HNRNPLL: variants seen among roughly 807,000 people sequenced by gnomAD.
HNRNPLL encodes heterogeneous nuclear ribonucleoprotein L-like.
In HNRNPLL, 25 loss-of-function variants were observed where a neutral mutation model predicts 67.1. The observed-to-expected ratio is 0.37, with a 90% CI of 0.27 to 0.52. The LOEUF is 0.52. HNRNPLL is among the 20% of genes least tolerant of loss of function. The probability of loss-of-function intolerance (pLI) is 0.90; values close to 1 mark genes in which losing one functional copy is unlikely to be tolerated. For missense variants in HNRNPLL, 542 were observed against 673.9 expected, an observed-to-expected ratio of 0.80 and a Z score of 2.17; for synonymous variants, 267 against 241.7, an observed-to-expected ratio of 1.10 and a Z score of -0.97.
chr2:38,580,315 T>C (rs77485446), intron 6 of HNRNPLL, among the ~76,000 whole-genome samples: 1 of 152,174 alleles, frequency 6.6e-6, no homozygotes, highest in East Asian at 1.9e-4. Context: ...TTTCCATAAG[T>C]AGTGAAAAAC....
At chr2:38,585,191 T>G (rs530102098) in intron 3 of HNRNPLL, among the ~76,000 whole-genome samples, 3 of 152,210 alleles carry the variant, frequency 2.0e-5, no homozygotes, top group African/African-American at 7.2e-5. Flanking sequence ...TTCAAAAGAG[T>G]AAAGAAGCAG....
At chr2:38,600,147 A>G in intron 1 of HNRNPLL, 1 of 220,496 alleles carries the variant, frequency 4.5e-6, no homozygotes, top group South Asian at 5.2e-5. Context: ...AAAACAAGAT[A>G]AACAAGGCTT....
intron 2 of HNRNPLL, among the ~76,000 whole-genome samples, chr2:38,590,257 T>C (rs1469721682): frequency 6.6e-6 from 1 of 152,200 alleles, no homozygotes; most frequent in Non-Finnish European, 1.5e-5. Context: ...TTTGAAGAAA[T>C]AACCCATTTC....
intron 1 of HNRNPLL, among the ~76,000 whole-genome samples, chr2:38,597,208 C>T (rs1322579806): frequency 6.6e-6 from 1 of 152,204 alleles, no homozygotes; most frequent in African/African-American, 2.4e-5. Flanking sequence ...ACATTTCCCT[C>T]TCTTACATAA....
chr2:38,598,348 A>G (rs889462182), intron 1 of HNRNPLL, among the ~76,000 whole-genome samples: 1 of 152,222 alleles, frequency 6.6e-6, no homozygotes, highest in African/African-American at 2.4e-5. Flanking sequence ...AAACATGGAA[A>G]GAGAATCAAG....
At chr2:38,579,770 T>C (rs990793325) in intron 6 of HNRNPLL, among the ~76,000 whole-genome samples, 5 of 152,042 alleles carry the variant, frequency 3.3e-5, no homozygotes, top group Admixed American at 3.3e-4. Context: ...AAAAATGTTA[T>C]GAAGGTCTTT....
At chr2:38,590,992 G>A (rs77462189) in intron 2 of HNRNPLL, among the ~76,000 whole-genome samples, 4 of 152,296 alleles carry the variant, frequency 2.6e-5, no homozygotes, top group African/African-American at 7.2e-5. Flanking sequence ...GCAACAGAGA[G>A]AGACCCTGTC....
intron 2 of HNRNPLL, among the ~76,000 whole-genome samples, chr2:38,588,506 G>A (rs1232814346): frequency 2.3e-5 from 3 of 128,796 alleles, no homozygotes; most frequent in African/African-American, 9.5e-5. Flanking sequence ...CCAAGATCGC[G>A]CCACTGCACC....
At position 38,575,664 on chromosome 2, in the gene HNRNPLL, CTCTT is replaced by C. The variant is rs59812397; in HGVS notation, c.874+1793_874+1796del. Among the ~76,000 whole-genome samples, 1,014 of 151,882 alleles carry C rather than the reference CTCTT, an allele frequency of 6.7e-3. 13 individuals are homozygous for C. Among genetic ancestry groups the C allele is most frequent in the African/African-American group, 0.023 (966 of 41,510 alleles). ...TCTATGGGTCCTGAACCATAATTAA[CTCTT>C]TCTATTCCCTTTCTTATAGTCGTCA... On this transcript the variant is annotated intron_variant, in intron 7 of 12. Transcript: ENST00000449105.
intron 1 of HNRNPLL, 160 bp downstream of exon 1, chr2:38,602,278 A>T: frequency 1.5e-6 from 1 of 645,472 alleles, no homozygotes; most frequent in South Asian, 2.1e-5. Context: ...GGAAACAGGT[A>T]GAGGCCAGAA....
Position 38,586,051 on chromosome 2 carries a change from TTTCTCTGTCG to T in HNRNPLL, c.309-180_309-171del, listed in dbSNP as rs553878834. On this transcript the variant is annotated intron_variant, in intron 2 of 12. Transcript: ENST00000449105. Reference sequence around the variant, plus strand: ...TTTTTTTTTTTTTTGAGACGGAGTCTTTCTCTGTCGCCCAGGCTGGAGTGCAGTGGCGCAA... The same window carrying T: ...TTTTTTTTTTTTTTGAGACGGAGTCTCCCAGGCTGGAGTGCAGTGGCGCAA... 9.4e-3 allele frequency among the ~76,000 whole-genome samples: 1,428 copies of T among 152,054 alleles called. 62 individuals are homozygous for T. The highest frequency in any genetic ancestry group is 0.077 in the Admixed American group (1,171 of 15,256).
At position 38,602,879 on chromosome 2, in the gene HNRNPLL, CT is replaced by C; in HGVS notation, c.-254del. 1 of 1,532,530 alleles carries C rather than the reference CT, an allele frequency of 6.5e-7. No homozygotes were observed. Among genetic ancestry groups the C allele is most frequent in the African/African-American group, 1.4e-5 (1 of 72,244 alleles). The allele number at this position is 1,532,530 out of a possible 1,614,324, so 94.9% of individuals were successfully genotyped here. On this transcript the variant is annotated 5_prime_UTR_variant, in exon 1 of 13. Coordinates refer to ENST00000449105, the MANE Select transcript of HNRNPLL (RefSeq NM_138394.4). Reference sequence around the variant, plus strand: ...TACCGAGCCAACATTCAGCCTCTCCCTCCTCCTCCTCCGTCTCCGCTCCCTG... The same window carrying C: ...TACCGAGCCAACATTCAGCCTCTCCCCCTCCTCCTCCGTCTCCGCTCCCTG...
At chr2:38,565,899 A>G (rs1341837243) in intron 12 of HNRNPLL, 2 of 431,882 alleles carry the variant, frequency 4.6e-6, no homozygotes, top group Non-Finnish European at 6.2e-6. Context: ...TACCCTTCAC[A>G]CACAGTTTTG....
chr2:38,581,125 A>T (rs1666514553), intron 6 of HNRNPLL: 1 of 152,242 alleles, frequency 6.6e-6, no homozygotes, highest in African/African-American at 2.4e-5. Context: ...GTTGAGCATT[A>T]TCAATTCCCA....
At position 38,576,531 on chromosome 2, in the gene HNRNPLL, C is replaced by A. The variant is rs186047118; in HGVS notation, c.874+930G>T. Among the ~76,000 whole-genome samples the A allele has an allele frequency of 3.1e-3, 476 of 151,546 alleles. 5 individuals carry two copies. The highest frequency in any genetic ancestry group is 6.8e-3 in the Middle Eastern group (2 of 294). On this transcript the variant is annotated intron_variant, in intron 7 of 12. Coordinates refer to ENST00000449105, the MANE Select transcript of HNRNPLL (RefSeq NM_138394.4). ...CTTTTCTGCCATATAGACTATGGAA[C>A]CTTGAAGACACACACACACACATAC... is the stretch of plus-strand genomic sequence containing the variant.
chr2:38,576,075 G>C (rs1666290411), intron 7 of HNRNPLL, among the ~76,000 whole-genome samples: 1 of 151,622 alleles, frequency 6.6e-6, no homozygotes, highest in Non-Finnish European at 1.5e-5. Flanking sequence ...GTATATAACA[G>C]CTTTTGTTTA....
chr2:38,585,910 C>CA, intron 2 of HNRNPLL, 29 bp from the exon 3 acceptor site: 2 of 1,264,240 alleles, frequency 1.6e-6, no homozygotes, highest in Non-Finnish European at 2.3e-6. Flanking sequence ...AGGAAACACA[C>CA]AAACACAGCA....
Position 38,573,431 on chromosome 2 carries a change from TA to T in HNRNPLL, c.875-5del. Reference sequence around the variant, plus strand: ...GGCAATAATGGACCATGGGATCCTATAAAAATGATCAAAATAAATAAATTAG... The same window carrying T: ...GGCAATAATGGACCATGGGATCCTATAAAATGATCAAAATAAATAAATTAG... On this transcript the variant is annotated splice_region_variant and splice_polypyrimidine_tract_variant and intron_variant, in intron 7 of 12. Coordinates refer to ENST00000449105, the MANE Select transcript of HNRNPLL (RefSeq NM_138394.4). 6.3e-7 allele frequency: 1 copy of T among 1,581,166 alleles called. No homozygotes were observed. The highest frequency in any genetic ancestry group is 8.6e-7 in the Non-Finnish European group (1 of 1,156,442).
In HNRNPLL at chr2:38,583,485, A is replaced by T. The variant is rs191736825; in HGVS notation, c.632+356T>A. Among the ~76,000 whole-genome samples, 45 of 152,320 alleles carry T rather than the reference A, an allele frequency of 3.0e-4. No individual in the cohort carries two copies. The East Asian group carries it at 8.3e-3, about 28-fold the overall frequency. ...AAACCATTACCATTTTAAAGGTTCA[A>T]TAAAAAAAGGTAAGATTTTACTGAC... On this transcript the variant is annotated intron_variant, in intron 4 of 12. Coordinates refer to ENST00000449105, the MANE Select transcript of HNRNPLL (RefSeq NM_138394.4).
Sources: allele counts gnomAD v4.1 joint callset (sites outside exome capture counted in the v4.1 genomes callset), GRCh38; gene constraint gnomAD v4.1.1; transcripts MANE v1.5; gene names NCBI Gene and HGNC (gene_info 2026-07-23, HGNC 2026-07-21).